The following ASAP1 variants were observed in gnomAD, a reference collection of about 807,000 sequenced individuals.
ASAP1 encodes arf-GAP with SH3 domain, ANK repeat and PH domain-containing protein 1.
Under a neutral mutation model 145.2 loss-of-function variants are expected in ASAP1, and 43 were observed. The observed-to-expected ratio is 0.30, with a 90% CI of 0.23 to 0.38. ASAP1 has a LOEUF of 0.38. Ranked by LOEUF, ASAP1 falls within the 10% of genes least tolerant of loss-of-function variation. The probability of loss-of-function intolerance (pLI) is 1.00; values close to 1 mark genes in which losing one functional copy is unlikely to be tolerated. For missense variants in ASAP1, 1,018 were observed against 1,355.3 expected (o/e 0.75, Z 3.91); for synonymous variants, 546 against 515.5 (o/e 1.06, Z -0.80).
At chr8:130,240,130 C>A (rs1818436020) in intron 3 of ASAP1, among the ~76,000 whole-genome samples, 1 of 152,046 alleles carries the variant, frequency 6.6e-6, no homozygotes, top group African/African-American at 2.4e-5. Context: ...TTTTTTGAGA[C>A]CATCTACCTA....
At chr8:130,146,323 T>A (rs1475370233) in intron 13 of ASAP1, among the ~76,000 whole-genome samples, 2 of 152,244 alleles carry the variant, frequency 1.3e-5, no homozygotes, top group East Asian at 3.9e-4. Context: ...CCTTAGCATA[T>A]ACCTTCGTAT....
chr8:130,319,585 A>G lies in ASAP1; in HGVS notation c.186+38432T>C, dbSNP rs189332766. Among the ~76,000 whole-genome samples, 23 of 152,348 alleles carry G rather than the reference A, an allele frequency of 1.5e-4. No homozygotes were observed. The East Asian group carries it at 4.2e-3, about 28-fold the overall frequency. ...ATCCGTGAAGATGGGACACACTGGCATCCACTGGTGGAAGCATTCTGGGAG... is the reference window on the plus strand; with the variant it reads ...ATCCGTGAAGATGGGACACACTGGCGTCCACTGGTGGAAGCATTCTGGGAG... On this transcript the variant is annotated intron_variant, in intron 3 of 29. Coordinates refer to ENST00000518721, the MANE Select transcript of ASAP1 (RefSeq NM_018482.4).
At chr8:130,174,086 G>A (rs1230337976) in intron 9 of ASAP1, among the ~76,000 whole-genome samples, 57 of 72,856 alleles carry the variant, frequency 7.8e-4, no homozygotes, top group African/African-American at 3.4e-3. Flanking sequence ...GCAAGACTCC[G>A]TCTCCAAAAA....
At chr8:130,315,139 A>G (rs928536667) in intron 3 of ASAP1, among the ~76,000 whole-genome samples, 2 of 152,256 alleles carry the variant, frequency 1.3e-5, no homozygotes, top group African/African-American at 2.4e-5. Flanking sequence ...AAACAAGCAA[A>G]AAATACTACA....
chr8:130,174,944 C>T (rs1166702610), intron 9 of ASAP1, among the ~76,000 whole-genome samples: 3 of 152,122 alleles, frequency 2.0e-5, no homozygotes, highest in Non-Finnish European at 2.9e-5. Flanking sequence ...TTGTAAATAA[C>T]GCTGTTATAA....
intron 9 of ASAP1, among the ~76,000 whole-genome samples, chr8:130,171,808 T>C (rs1044741017): frequency 1.3e-5 from 2 of 152,240 alleles, no homozygotes; most frequent in African/African-American, 2.4e-5. Flanking sequence ...GCAGGCCATC[T>C]ATAAGTGTTA....
intron 25 of ASAP1, among the ~76,000 whole-genome samples, chr8:130,086,837 A>C (rs1275417702): frequency 6.6e-6 from 1 of 152,182 alleles, no homozygotes; most frequent in Non-Finnish European, 1.5e-5. Flanking sequence ...TGAAGGCATG[A>C]AATGGAATTT....
At position 130,118,584 on chromosome 8, in the gene ASAP1, A is replaced by G. The variant is rs148934825; in HGVS notation, c.1699T>C (p.Leu567=). 9,402 of 1,614,094 alleles carry G rather than the reference A, an allele frequency of 5.8e-3. 34 individuals carry two copies. The highest frequency in any genetic ancestry group is 7.4e-3 in the Non-Finnish European group (8,717 of 1,179,982). The change falls in exon 19 of 30, where the codon TTG becomes CTG. Residue 567 remains leucine, a synonymous_variant. Coordinates refer to ENST00000518721, the MANE Select transcript of ASAP1 (RefSeq NM_018482.4). ...CSTSSAKLNE[L]LEAIKSRDLL... Reference sequence around the variant, plus strand: ...TCCCTGGATTTGATGGCCTCAAGCAATTCATTTAGTTTAGCTGATGAAGTT... The same window carrying G: ...TCCCTGGATTTGATGGCCTCAAGCAGTTCATTTAGTTTAGCTGATGAAGTT...
At chr8:130,438,094 C>T (rs1321012393) in intron 1 of ASAP1, among the ~76,000 whole-genome samples, 1 of 152,140 alleles carries the variant, frequency 6.6e-6, no homozygotes, top group African/African-American at 2.4e-5. Flanking sequence ...TAACTCAGCT[C>T]GTCGGTGGCC....
intron 3 of ASAP1, among the ~76,000 whole-genome samples, chr8:130,306,709 A>C (rs1823013301): frequency 6.6e-6 from 1 of 152,228 alleles, no homozygotes; most frequent in Admixed American, 6.5e-5. Flanking sequence ...TCATATATTT[A>C]GGGTAAACTT....
At chr8:130,280,427 T>C (rs573142697) in intron 3 of ASAP1, among the ~76,000 whole-genome samples, 1 of 152,368 alleles carries the variant, frequency 6.6e-6, no homozygotes, top group African/African-American at 2.4e-5. Context: ...TTTTGACAAC[T>C]AGTCCTCACA....
intron 10 of ASAP1, among the ~76,000 whole-genome samples, chr8:130,168,170 T>C (rs1586497429): frequency 6.6e-6 from 1 of 152,208 alleles, no homozygotes; most frequent in East Asian, 1.9e-4. Flanking sequence ...AAGGCATTCT[T>C]TGTAATTATA....
intron 25 of ASAP1, 110 bp from the exon 26 acceptor site, chr8:130,080,081 T>A: frequency 1.0e-6 from 1 of 974,982 alleles, no homozygotes; most frequent in Non-Finnish European, 1.6e-6. Flanking sequence ...GAACGGCATT[T>A]AAAAGACCCA....
Position 130,112,328 on chromosome 8 carries a change from A to G in ASAP1, c.2173-6T>C. On this transcript the variant is annotated splice_region_variant and splice_polypyrimidine_tract_variant and intron_variant, in intron 23 of 29. Transcript: ENST00000518721. ...TCTTTCTTGATAGGGCTTGGCTGGCAGATGAAATAAGAAGGTGAGATAATA... is the reference window on the plus strand; with the variant it reads ...TCTTTCTTGATAGGGCTTGGCTGGCGGATGAAATAAGAAGGTGAGATAATA... 1.2e-6 allele frequency: 2 copies of G among 1,611,846 alleles called. No homozygotes were observed. Among genetic ancestry groups the G allele is most frequent in the African/African-American group, 1.3e-5 (1 of 74,992 alleles).
intron 3 of ASAP1, among the ~76,000 whole-genome samples, chr8:130,266,810 A>G (rs1452618011): frequency 6.6e-6 from 1 of 152,186 alleles, no homozygotes; most frequent in Non-Finnish European, 1.5e-5. Flanking sequence ...AGACAGATAT[A>G]AATACACATT....
chr8:130,106,271 A>C (rs2097536670), intron 24 of ASAP1, among the ~76,000 whole-genome samples: 1 of 152,158 alleles, frequency 6.6e-6, no homozygotes, highest in East Asian at 1.9e-4. Context: ...AAGCTACTCT[A>C]ATGACTGTCT....
intron 1 of ASAP1, among the ~76,000 whole-genome samples, chr8:130,422,148 C>T (rs1829745212): frequency 6.6e-6 from 1 of 152,072 alleles, no homozygotes; most frequent in Non-Finnish European, 1.5e-5. Context: ...TGTAGACAAA[C>T]CTTACAGGCC....
intron 5 of ASAP1, among the ~76,000 whole-genome samples, chr8:130,210,709 G>T (rs1458561748): frequency 6.6e-6 from 1 of 152,170 alleles, no homozygotes; most frequent in Admixed American, 6.5e-5. Flanking sequence ...CTGAAACAAG[G>T]CATAATCTGT....
At chr8:130,071,886 AG>A (rs1411254429) in intron 27 of ASAP1, among the ~76,000 whole-genome samples, 2 of 152,200 alleles carry the variant, frequency 1.3e-5, no homozygotes, top group African/African-American at 4.8e-5. Context: ...AAAACCAGGG[AG>A]TAGGCTGTGG....
Sources: gnomAD v4.1 joint callset for allele counts (sites outside exome capture counted in the v4.1 genomes callset) on GRCh38, gnomAD v4.1.1 for gene constraint, MANE v1.5 for transcripts, NCBI Gene and HGNC (gene_info 2026-07-23, HGNC 2026-07-21) for gene names.